NRDC: variants seen among roughly 807,000 people sequenced by gnomAD.
NRDC encodes nardilysin convertase.
Under a neutral mutation model 147.1 loss-of-function variants are expected in NRDC, and 54 were observed. That is an observed-to-expected ratio of 0.37 (90% CI 0.29 to 0.46). The LOEUF (loss-of-function observed/expected upper bound fraction) is 0.46, where lower values mean the gene tolerates loss of function less well. NRDC is among the 20% of genes least tolerant of loss of function. NRDC has a pLI of 1.00. For synonymous variants in NRDC, 440 were observed against 482.1 expected (o/e 0.91, Z 1.14); for missense variants, 1,082 against 1,370.6 (o/e 0.79, Z 3.33).
intron 21 of NRDC, among the ~76,000 whole-genome samples, chr1:51,799,638 T>C (rs1200971050): frequency 6.6e-6 from 1 of 152,116 alleles, no homozygotes; most frequent in East Asian, 1.9e-4. Context: ...TTCAGAGGAC[T>C]TTTCTCTCCC....
chr1:51,816,391 T>C lies in NRDC; in HGVS notation c.1362-2A>G. ...GATATATAATGAAGTGGCTTCACCC[T>C]TTTAAAAAAATTTAATGGTCAGAAG... On this transcript the variant is annotated splice_acceptor_variant, in intron 10 of 30. Coordinates refer to ENST00000352171, the MANE Select transcript of NRDC (RefSeq NM_001101662.2). LOFTEE classifies it high-confidence loss of function. The C allele has an allele frequency of 3.9e-6, 6 of 1,554,812 alleles. No homozygotes were observed. Among genetic ancestry groups the C allele is most frequent in the South Asian group, 2.5e-5 (2 of 80,908 alleles).
At position 51,806,776 on chromosome 1, in the gene NRDC, A is replaced by C. The variant is rs1288715927; in HGVS notation, c.2110+18T>G. 6.2e-7 allele frequency: 1 copy of C among 1,610,406 alleles called. No individual in the cohort carries two copies. Among genetic ancestry groups the C allele is most frequent in the African/African-American group, 1.3e-5 (1 of 74,752 alleles). Reference sequence around the variant, plus strand: ...CACTGGAATTCAGCAGGGAAGTAACAGGAGGGCAACATTTTACCTTTGGGG... The same window carrying C: ...CACTGGAATTCAGCAGGGAAGTAACCGGAGGGCAACATTTTACCTTTGGGG... On this transcript the variant is annotated intron_variant, in intron 18 of 30. Coordinates refer to ENST00000352171, the MANE Select transcript of NRDC (RefSeq NM_001101662.2).
chr1:51,825,204 T>C (rs1680391260), intron 6 of NRDC, 83 bp downstream of exon 6: 2 of 967,678 alleles, frequency 2.1e-6, no homozygotes, highest in Admixed American at 2.4e-5. Context: ...TCTAGCTTTA[T>C]AATTTTCAAT....
chr1:51,799,784 G>A (rs2149191283), intron 21 of NRDC, among the ~76,000 whole-genome samples: 1 of 152,182 alleles, frequency 6.6e-6, no homozygotes, highest in Non-Finnish European at 1.5e-5. Context: ...AAGGCCCAAG[G>A]GGGTTGCCTG....
intron 1 of NRDC, among the ~76,000 whole-genome samples, chr1:51,847,057 A>G (rs1681665971): frequency 6.6e-6 from 1 of 152,108 alleles, no homozygotes; most frequent in Non-Finnish European, 1.5e-5. Flanking sequence ...ACAATCCTTT[A>G]GCTAGACATA....
chr1:51,825,221 T>C (rs1221433196), intron 6 of NRDC, 66 bp downstream of exon 6: 16 of 1,079,476 alleles, frequency 1.5e-5, no homozygotes, highest in Non-Finnish European at 1.9e-5. Flanking sequence ...CAATTCTTTA[T>C]CAACTTTTCT....
chr1:51,834,765 A>C (rs1680869992), intron 3 of NRDC, among the ~76,000 whole-genome samples: 1 of 152,186 alleles, frequency 6.6e-6, no homozygotes, highest in African/African-American at 2.4e-5. Context: ...TTAAGTCTAA[A>C]TAGATTAAAA....
In NRDC at chr1:51,800,594, G is replaced by C; in HGVS notation, c.2403C>G (p.Thr801=). Reference sequence around the variant, plus strand: ...CGGGCTTGATGAGGATGTTAAAGTAGGTCTTCTTCAACTGCTCAGTTATCA... The same window carrying C: ...CGGGCTTGATGAGGATGTTAAAGTACGTCTTCTTCAACTGCTCAGTTATCA... ...FTMITEQLKK[T]YFNILIKPET... Residue 801 remains threonine (T), a synonymous_variant, in exon 21 of 31, where the codon ACC becomes ACG. Coordinates refer to ENST00000352171, the MANE Select transcript of NRDC (RefSeq NM_001101662.2). The C allele has an allele frequency of 6.2e-7, 1 of 1,614,018 alleles. No homozygotes were observed. The highest frequency in any genetic ancestry group is 8.5e-7 in the Non-Finnish European group (1 of 1,179,964).
intron 1 of NRDC, among the ~76,000 whole-genome samples, chr1:51,846,088 G>T (rs1681557997): frequency 6.6e-6 from 1 of 151,778 alleles, no homozygotes; most frequent in East Asian, 1.9e-4. Context: ...AGAAAAACTA[G>T]AGATACAAAG....
chr1:51,814,838 C>T, intron 11 of NRDC, 25 bp from the exon 12 acceptor site: 2 of 1,549,828 alleles, frequency 1.3e-6, no homozygotes, highest in Non-Finnish European at 1.7e-6. Flanking sequence ...AAAATTAACC[C>T]AATCAATGTT....
At position 51,843,063 on chromosome 1, in the gene NRDC, CAAAAAA is replaced by C. The variant is rs11356852; in HGVS notation, c.342-2555_342-2550del. On this transcript the variant is annotated intron_variant, in intron 1 of 30. Transcript: ENST00000352171. ...TGGGCAACAGAGCAAAAACCTGTCT[CAAAAAA>C]AAAAAAAAAAAAAAAAGCTAACTAC... Among the ~76,000 whole-genome samples the C allele has an allele frequency of 1.5e-4, 10 of 67,990 alleles. No individual in the cohort carries two copies. The East Asian group carries it at 4.4e-3, about 30-fold the overall frequency. 44.6% of individuals were successfully genotyped at this position (67,990 alleles called of 152,430 possible). A position where few individuals can be genotyped will look rare whatever the true frequency, so the allele number is the denominator to read the frequency against.
At chr1:51,851,960 T>C (rs1293784149) in intron 1 of NRDC, among the ~76,000 whole-genome samples, 1 of 152,170 alleles carries the variant, frequency 6.6e-6, no homozygotes, top group East Asian at 1.9e-4. Flanking sequence ...CCATTTATCG[T>C]TCCTTTTTCC....
Position 51,825,170 on chromosome 1 carries a change from A to G in NRDC, c.1036+117T>C, listed in dbSNP as rs969915755. On this transcript the variant is annotated intron_variant, in intron 6 of 30. Transcript: ENST00000352171. ...GTTTGAAAGGCTAACTAGCTATCCT[A>G]AAAGGTAAAAGGTACCTAGGGACTC... 1.9e-5 allele frequency: 13 copies of G among 698,200 alleles called. No homozygotes were observed. In the African/African-American group the frequency reaches 2.4e-4, roughly 13 times the overall value. 43.3% of individuals were successfully genotyped at this position (698,200 alleles called of 1,614,324 possible).
intron 1 of NRDC, among the ~76,000 whole-genome samples, chr1:51,854,013 G>T (rs1682114349): frequency 6.6e-6 from 1 of 152,150 alleles, no homozygotes; most frequent in African/African-American, 2.4e-5. Flanking sequence ...TACAAATAAT[G>T]ACAGTTCAGC....
At chr1:51,829,001 T>C (rs1375426747) in intron 4 of NRDC, among the ~76,000 whole-genome samples, 1 of 152,214 alleles carries the variant, frequency 6.6e-6, no homozygotes, top group Non-Finnish European at 1.5e-5. Flanking sequence ...GCTAGATATA[T>C]TGGGGCATTT....
intron 24 of NRDC, among the ~76,000 whole-genome samples, chr1:51,793,034 A>G (rs955946444): frequency 5.3e-5 from 8 of 152,204 alleles, no homozygotes; most frequent in Admixed American, 4.6e-4. Context: ...CCTCTCACAC[A>G]GACTCATTTG....
chr1:51,827,803 A>C lies in NRDC; in HGVS notation c.933T>G (p.Val311=). 1 of 1,613,754 alleles carries C rather than the reference A, an allele frequency of 6.2e-7. No individual in the cohort carries two copies. Residue 311 remains valine (V), a synonymous_variant, in exon 5 of 31, where the codon GTT becomes GTG. Transcript: ENST00000352171. ...ATAAAGTACTCCTCTTACCACTATC[A>C]ACAGCTTCAACTTCACGGTCAATTG... ...RDAIDREVEA[V]DSEYQLARPS...
intron 11 of NRDC, among the ~76,000 whole-genome samples, chr1:51,815,274 C>T (rs1483985786): frequency 6.6e-6 from 1 of 150,850 alleles, no homozygotes; most frequent in Non-Finnish European, 1.5e-5. Context: ...TCCTCCACCT[C>T]GGCCTCCCAA....
At chr1:51,855,155 A>G (rs2124030193) in intron 1 of NRDC, among the ~76,000 whole-genome samples, 1 of 152,320 alleles carries the variant, frequency 6.6e-6, no homozygotes, top group South Asian at 2.1e-4. Context: ...GTAACCCTCC[A>G]TGTATGGTTT....
Sources: gnomAD v4.1 joint callset for allele counts (sites outside exome capture counted in the v4.1 genomes callset) on GRCh38, gnomAD v4.1.1 for gene constraint, MANE v1.5 for transcripts, NCBI Gene and HGNC (gene_info 2026-07-23, HGNC 2026-07-21) for gene names.